Variants in WWC2 observed in about 807,000 individuals in gnomAD.
WWC2 encodes protein WWC2.
Under a neutral mutation model 138.5 loss-of-function variants are expected in WWC2, and 101 were observed. The observed-to-expected ratio is 0.73, with a 90% CI of 0.62 to 0.86. The LOEUF (loss-of-function observed/expected upper bound fraction) is 0.86, where lower values mean the gene tolerates loss of function less well. Ranked by LOEUF, WWC2 falls within the 40% of genes least tolerant of loss-of-function variation. The pLI, the probability that WWC2 is intolerant of heterozygous loss-of-function variation, is 0.00. For synonymous variants in WWC2, 558 were observed against 538.4 expected (o/e 1.04, Z -0.50); for missense variants, 1,420 against 1,419.4 (o/e 1.00, Z -0.01).
intron 20 of WWC2, 85 bp from the exon 21 acceptor site, chr4:183,289,308 C>G: frequency 1.3e-6 from 2 of 1,515,912 alleles, no homozygotes; most frequent in Non-Finnish European, 1.8e-6. Context: ...GAAGCACCAT[C>G]CATCATGCGC....
intron 20 of WWC2, 111 bp from the exon 21 acceptor site, chr4:183,289,282 G>T: frequency 6.9e-7 from 1 of 1,458,160 alleles, no homozygotes; most frequent in Non-Finnish European, 9.1e-7. Flanking sequence ...TTAGGCCCTG[G>T]CTTCTAGGGT....
At position 183,099,349 on chromosome 4, in the gene WWC2, C is replaced by T; in HGVS notation, c.-143C>T. The stretch of plus-strand genomic sequence containing the variant: ...CCTGAGGCACCTCCCGCGCGTGGTT[C>T]CGCCGCGCCCCGCGCCCTGCGCCCC... On this transcript the variant is annotated 5_prime_UTR_variant, in exon 1 of 23. Coordinates refer to ENST00000403733, the MANE Select transcript of WWC2 (RefSeq NM_024949.6). 2.3e-6 allele frequency: 2 copies of T among 853,570 alleles called. No homozygotes were observed. Among genetic ancestry groups the T allele is most frequent in the Non-Finnish European group, 3.0e-6 (2 of 671,430 alleles). 52.9% of individuals were successfully genotyped at this position (853,570 alleles called of 1,614,324 possible). A position where few individuals can be genotyped will look rare whatever the true frequency, so the allele number is the denominator to read the frequency against.
chr4:183,278,542 G>T (rs1326385426), intron 16 of WWC2, among the ~76,000 whole-genome samples: 1 of 152,100 alleles, frequency 6.6e-6, no homozygotes, highest in African/African-American at 2.4e-5. Flanking sequence ...GATGGGGATG[G>T]CATTGAATCT....
chr4:183,173,638 T>C (rs1734359200), intron 1 of WWC2, among the ~76,000 whole-genome samples: 1 of 151,666 alleles, frequency 6.6e-6, no homozygotes, highest in African/African-American at 2.4e-5. Flanking sequence ...GATGTGCACG[T>C]CTCCCCTACC....
chr4:183,315,486 C>A (rs548644727), intron 22 of WWC2, among the ~76,000 whole-genome samples, 177 bp from the exon 23 acceptor site: 2 of 152,104 alleles, frequency 1.3e-5, no homozygotes, highest in South Asian at 4.1e-4. Context: ...TTGATACCCC[C>A]CCTTTAAGCA....
intron 2 of WWC2, among the ~76,000 whole-genome samples, chr4:183,203,346 C>T (rs1735355389): frequency 6.6e-6 from 1 of 151,850 alleles, no homozygotes; most frequent in Non-Finnish European, 1.5e-5. Context: ...TCTGAGGTAC[C>T]CGCATTATCA....
At chr4:183,306,591 T>C (rs917767884) in intron 21 of WWC2, among the ~76,000 whole-genome samples, 1 of 151,872 alleles carries the variant, frequency 6.6e-6, no homozygotes, top group African/African-American at 2.4e-5. Flanking sequence ...TTTTTGGAGA[T>C]GGAGTCTCGC....
intron 21 of WWC2, among the ~76,000 whole-genome samples, chr4:183,291,067 G>A (rs907366): frequency 0.66 from 100,968 of 152,176 alleles, 34,722 homozygotes; most frequent in Non-Finnish European, 0.76. Context: ...TGTTTGCTCA[G>A]TGTGGAGTTT....
intron 1 of WWC2, among the ~76,000 whole-genome samples, chr4:183,116,980 T>C (rs954146124): frequency 1.3e-5 from 2 of 152,160 alleles, no homozygotes. Context: ...GAGATCTATA[T>C]GCTATAAATC....
chr4:183,254,260 A>G (rs1367659179), intron 9 of WWC2, among the ~76,000 whole-genome samples: 3 of 152,238 alleles, frequency 2.0e-5, no homozygotes, highest in African/African-American at 7.2e-5. Flanking sequence ...AATGTACATC[A>G]TTGATGAAGT....
At chr4:183,198,784 C>A in intron 2 of WWC2, among the ~76,000 whole-genome samples, 1 of 60,550 alleles carries the variant, frequency 1.7e-5, no homozygotes, top group Middle Eastern at 0.011. Flanking sequence ...AAGACCTCGT[C>A]TCTTTAAAAA....
In WWC2 at chr4:183,230,666, G is replaced by A. The variant is rs543502616; in HGVS notation, c.523-9517G>A. On this transcript the variant is annotated intron_variant, in intron 4 of 22. Transcript: ENST00000403733. ...CACCCAGCCTGGGCAACTGCCAAGA[G>A]CAAAACTCTGTCTAAAAAAAAAAAA... Among the ~76,000 whole-genome samples the A allele has an allele frequency of 1.1e-4, 16 of 151,550 alleles. No individual in the cohort carries two copies. The East Asian group carries it at 3.1e-3, about 29-fold the overall frequency.
At chr4:183,311,114 C>T (rs1739200513) in intron 21 of WWC2, among the ~76,000 whole-genome samples, 1 of 152,086 alleles carries the variant, frequency 6.6e-6, no homozygotes, top group Non-Finnish European at 1.5e-5. Flanking sequence ...TACCACCTTT[C>T]CTTAAAAGAC....
At chr4:183,200,478 G>C (rs868283937) in intron 2 of WWC2, among the ~76,000 whole-genome samples, 6 of 151,752 alleles carry the variant, frequency 4.0e-5, no homozygotes, top group African/African-American at 1.5e-4. Context: ...CCAAAACTTA[G>C]TGGTTTAAAA....
rs1184355259 is a variant in WWC2, at chr4:183,100,315, G to A, written c.131+693G>A. Among the ~76,000 whole-genome samples the A allele has an allele frequency of 2.0e-5, 3 of 152,162 alleles. No homozygotes were observed. The East Asian group carries it at 5.8e-4, about 29-fold the overall frequency. On this transcript the variant is annotated intron_variant, in intron 1 of 22. Transcript: ENST00000403733. ...GGGAGATGTAGTGAAATTAACGTTG[G>A]GTATTGAGGCACTCTGATTTGAGCT...
At chr4:183,236,163 T>C (rs1736417723) in intron 4 of WWC2, among the ~76,000 whole-genome samples, 1 of 152,196 alleles carries the variant, frequency 6.6e-6, no homozygotes, top group African/African-American at 2.4e-5. Context: ...GAGTTCACTG[T>C]ATATTTATGG....
intron 21 of WWC2, among the ~76,000 whole-genome samples, chr4:183,304,907 A>G (rs1423978351): frequency 2.6e-5 from 4 of 152,226 alleles, no homozygotes; most frequent in Admixed American, 1.3e-4. Context: ...AGGCAAAACA[A>G]GCATCAGAAC....
chr4:183,201,739 G>A (rs1735304813), intron 2 of WWC2, among the ~76,000 whole-genome samples: 1 of 152,166 alleles, frequency 6.6e-6, no homozygotes, highest in Admixed American at 6.5e-5. Flanking sequence ...AGATTACCAG[G>A]CAAAGCTTTT....
chr4:183,229,355 A>G (rs895956387), intron 4 of WWC2, among the ~76,000 whole-genome samples: 1 of 152,150 alleles, frequency 6.6e-6, no homozygotes, highest in Non-Finnish European at 1.5e-5. Context: ...ATTGCTTCAA[A>G]GCATCTCCCC....
Sources: allele counts gnomAD v4.1 joint callset (sites outside exome capture counted in the v4.1 genomes callset), GRCh38; gene constraint gnomAD v4.1.1; transcripts MANE v1.5; gene names NCBI Gene and HGNC (gene_info 2026-07-23, HGNC 2026-07-21).